Variants in TRIM49C observed in about 807,000 individuals in gnomAD.
TRIM49C encodes the protein tripartite motif-containing protein 49C.
In TRIM49C, 6 loss-of-function variants were observed where a neutral mutation model predicts 21.4. The ratio of observed to expected loss-of-function variants is 0.28; its 90% CI spans 0.15 to 0.55. The LOEUF is 0.55. TRIM49C is among the 20% of genes least tolerant of loss of function. TRIM49C has a pLI of 0.94. For missense variants in TRIM49C, 161 were observed against 442.4 expected (o/e 0.36, Z 5.71); for synonymous variants, 57 against 148.1 (o/e 0.38, Z 4.47).
intron 5 of TRIM49C, among the ~76,000 whole-genome samples, chr11:90,038,335 T>A (rs1469585770): frequency 9.4e-6 from 1 of 106,768 alleles, no homozygotes; most frequent in Non-Finnish European, 1.9e-5. Flanking sequence ...GATCAGAAGT[T>A]TTGGGAATCT....
chr11:90,049,010 G>T, the TRIM49C span, among the ~76,000 whole-genome samples: 1,778 of 122,250 alleles, frequency 0.015, 147 homozygotes, highest in African/African-American at 0.056. Context: ...TGCAGGTCTG[G>T]TGGAGTTTGC....
chr11:90,049,721 C>T, the TRIM49C span, among the ~76,000 whole-genome samples: 2 of 109,134 alleles, frequency 1.8e-5, 1 homozygote, highest in Non-Finnish European at 3.6e-5. Flanking sequence ...GAGGCGATGC[C>T]TCATCCTCCT....
At chr11:90,069,136 G>A in the TRIM49C span, among the ~76,000 whole-genome samples, 3 of 134,778 alleles carry the variant, frequency 2.2e-5, no homozygotes, top group South Asian at 2.6e-4. Flanking sequence ...ACAGAGTCTC[G>A]CTCTGTCACC....
chr11:90,049,134 C>A, the TRIM49C span, among the ~76,000 whole-genome samples: 2 of 123,644 alleles, frequency 1.6e-5, 1 homozygote, highest in East Asian at 5.0e-4. Context: ...GAAGCTTCGT[C>A]TCAGAGGGGT....
the TRIM49C span, among the ~76,000 whole-genome samples, chr11:90,065,393 GTCACTCCTGGC>G: frequency 8.7e-6 from 1 of 115,398 alleles, no homozygotes; most frequent in African/African-American, 3.1e-5. Context: ...CAGATTAGAA[GTCACTCCTGGC>G]TCTTCAAAGC....
At chr11:90,066,314 C>T in the TRIM49C span, among the ~76,000 whole-genome samples, 8 of 138,986 alleles carry the variant, frequency 5.8e-5, 1 homozygote, top group Non-Finnish European at 9.3e-5. Flanking sequence ...GCCACTGCAC[C>T]GGGCCACATG....
rs61903674 is a variant in TRIM49C at position 90,035,409 on chromosome 11, C to T, written c.198C>T (p.Thr66=). 0.098 allele frequency: 145,253 copies of T among 1,485,578 alleles called. 32,022 individuals are homozygous for T. Among genetic ancestry groups the T allele is most frequent in the Middle Eastern group, 0.12 (677 of 5,448 alleles). 92.0% of individuals were successfully genotyped at this position (1,485,578 alleles called of 1,614,324 possible). The change falls in exon 3 of 8, where the codon ACC becomes ACT. Residue 66 remains threonine (T), a synonymous_variant. Coordinates refer to ENST00000448984, the MANE Select transcript of TRIM49C (RefSeq NM_001195234.1). ...CAACAGAGCAGATAAACCTCAAAAC[C>T]AACATTCATTTGAAGAAGATGGCTT... ...TKSTEQINLK[T]NIHLKKMASL...
At chr11:90,051,893 T>G in the TRIM49C span, 25 of 482,194 alleles carry the variant, frequency 5.2e-5, 6 homozygotes, top group Admixed American at 9.8e-4. Flanking sequence ...GCCTGGCGCT[T>G]CTTCTCGGCC....
chr11:90,048,247 TG>T, the TRIM49C span, among the ~76,000 whole-genome samples: 3 of 109,992 alleles, frequency 2.7e-5, 1 homozygote, highest in African/African-American at 1.1e-4. Flanking sequence ...ATTATGTGTT[TG>T]GGAGTTGCTC....
At chr11:90,069,520 A>T in the TRIM49C span, among the ~76,000 whole-genome samples, 2 of 132,250 alleles carry the variant, frequency 1.5e-5, no homozygotes, top group Non-Finnish European at 3.2e-5. Flanking sequence ...TATTTCATGT[A>T]TTTCAGCTTT....
the TRIM49C span, among the ~76,000 whole-genome samples, chr11:90,062,345 A>C: frequency 2.3e-5 from 3 of 132,884 alleles, 1 homozygote; most frequent in Non-Finnish European, 4.7e-5. Context: ...CACCAGCTCC[A>C]CAGCTCCATT....
At chr11:90,045,093 T>C (rs1950792789), downstream of TRIM49C, among the ~76,000 whole-genome samples, 1 of 130,608 alleles carries the variant, frequency 7.7e-6, no homozygotes, top group Non-Finnish European at 1.6e-5. Flanking sequence ...TGTAGATATG[T>C]GGCATTATTT....
the TRIM49C span, among the ~76,000 whole-genome samples, chr11:90,065,657 C>T: frequency 4.3e-5 from 6 of 140,304 alleles, 1 homozygote; most frequent in African/African-American, 1.5e-4. Context: ...ACAGTTTATT[C>T]AAAGCAATAT....
At chr11:90,072,429 C>T in the TRIM49C span, among the ~76,000 whole-genome samples, 321 of 146,650 alleles carry the variant, frequency 2.2e-3, 10 homozygotes, top group Middle Eastern at 7.2e-3. Context: ...CTGCACTTTT[C>T]AGAAGGCAGA....
chr11:90,033,877 C>T (rs1458422151), intron 2 of TRIM49C, among the ~76,000 whole-genome samples: 7 of 120,296 alleles, frequency 5.8e-5, no homozygotes, highest in Non-Finnish European at 1.0e-4. Flanking sequence ...AACCTGGAGG[C>T]GGAGGTTACA....
At chr11:90,032,309 T>C (rs1950693539) in intron 1 of TRIM49C, 88 bp from the exon 2 acceptor site, 1 of 131,406 alleles carries the variant, frequency 7.6e-6, no homozygotes, top group Non-Finnish European at 1.6e-5. Flanking sequence ...AAAGGTGTGT[T>C]CTAAATACTG....
At chr11:90,066,288 G>A in the TRIM49C span, among the ~76,000 whole-genome samples, 1 of 138,182 alleles carries the variant, frequency 7.2e-6, no homozygotes, top group African/African-American at 2.6e-5. Context: ...CCAAAGTGCT[G>A]GGATTACAAG....
downstream of TRIM49C, among the ~76,000 whole-genome samples, chr11:90,046,409 C>G (rs1197890287): frequency 1.4e-4 from 18 of 126,544 alleles, 7 homozygotes; most frequent in Admixed American, 1.3e-3. Context: ...CATCTGGACC[C>G]GGACTTTATT....
chr11:90,052,289 C>A, the TRIM49C span: 1 of 219,986 alleles, frequency 4.5e-6, no homozygotes, highest in African/African-American at 2.5e-5. Context: ...CACGCCGCGC[C>A]GCCAGAATTT....
Sources: gnomAD v4.1 joint callset for allele counts (sites outside exome capture counted in the v4.1 genomes callset) on GRCh38, gnomAD v4.1.1 for gene constraint, MANE v1.5 for transcripts, NCBI Gene and HGNC (gene_info 2026-07-23, HGNC 2026-07-21) for gene names.